The following EPB41L4B variants were observed in gnomAD, a reference collection of about 807,000 sequenced individuals.
EPB41L4B encodes erythrocyte membrane protein band 4.1 like 4B, also known as band 4.1-like protein 4B.
In EPB41L4B, 30 loss-of-function variants were observed where a neutral mutation model predicts 112.5. The observed-to-expected ratio is 0.27, with a 90% CI of 0.20 to 0.36. The LOEUF (loss-of-function observed/expected upper bound fraction) is 0.36. EPB41L4B is among the 10% of genes least tolerant of loss of function. The probability of loss-of-function intolerance (pLI) is 1.00; values close to 1 mark genes in which losing one functional copy is unlikely to be tolerated. For missense variants in EPB41L4B, 1,024 were observed against 1,133.3 expected, an observed-to-expected ratio of 0.90 and a Z score of 1.38; for synonymous variants, 408 against 439.7, an observed-to-expected ratio of 0.93 and a Z score of 0.90.
intron 14 of EPB41L4B, among the ~76,000 whole-genome samples, chr9:109,245,438 T>C (rs959257518): frequency 6.6e-6 from 1 of 152,136 alleles, no homozygotes; most frequent in African/African-American, 2.4e-5. Context: ...TGTCAAGGAG[T>C]ATTTTAGTGT....
intron 1 of EPB41L4B, among the ~76,000 whole-genome samples, chr9:109,283,279 A>T (rs1240556223): frequency 3.9e-5 from 6 of 152,248 alleles, no homozygotes. Flanking sequence ...CTTGTAACCC[A>T]GTAAACTGGG....
intron 2 of EPB41L4B, among the ~76,000 whole-genome samples, chr9:109,273,155 G>C (rs569401269): frequency 1.6e-4 from 25 of 152,082 alleles, no homozygotes; most frequent in African/African-American, 2.4e-5. Flanking sequence ...AGCAGCTTCC[G>C]ATTCAGCACC....
At chr9:109,286,120 A>G (rs1026906942) in intron 1 of EPB41L4B, among the ~76,000 whole-genome samples, 4 of 141,384 alleles carry the variant, frequency 2.8e-5, no homozygotes, top group African/African-American at 1.0e-4. Context: ...GGCGCTCCAT[A>G]AATGACTATT....
At chr9:109,265,627 TGAG>T (rs1043074465) in intron 4 of EPB41L4B, among the ~76,000 whole-genome samples, 1 of 151,690 alleles carries the variant, frequency 6.6e-6, no homozygotes, top group African/African-American at 2.4e-5. Flanking sequence ...TAACAAAAAA[TGAG>T]AAAGAAGCCA....
At chr9:109,251,951 C>G (rs952450317) in intron 12 of EPB41L4B, among the ~76,000 whole-genome samples, 1 of 152,156 alleles carries the variant, frequency 6.6e-6, no homozygotes, top group Non-Finnish European at 1.5e-5. Flanking sequence ...ACAGCTTAGC[C>G]GCTTACACTC....
At chr9:109,215,644 C>T (rs1164344888) in intron 16 of EPB41L4B, among the ~76,000 whole-genome samples, 3 of 152,292 alleles carry the variant, frequency 2.0e-5, no homozygotes, top group South Asian at 4.1e-4. Context: ...CGTACCACTG[C>T]GTCCAGCCCT....
At chr9:109,268,262 C>CGG in intron 3 of EPB41L4B, 129 bp downstream of exon 3, 1 of 791,162 alleles carries the variant, frequency 1.3e-6, no homozygotes, top group Non-Finnish European at 2.0e-6. Context: ...TAAAAATCAT[C>CGG]CACTTAATAC....
intron 2 of EPB41L4B, among the ~76,000 whole-genome samples, 197 bp from the exon 3 acceptor site, chr9:109,268,630 G>A (rs1442413607): frequency 2.6e-5 from 4 of 152,126 alleles, no homozygotes; most frequent in Non-Finnish European, 4.4e-5. Flanking sequence ...CGGGCGCGGT[G>A]GCTCACGCCT....
At chr9:109,175,603 C>T (rs1255885458) in intron 25 of EPB41L4B, among the ~76,000 whole-genome samples, 1 of 151,624 alleles carries the variant, frequency 6.6e-6, no homozygotes, top group Non-Finnish European at 1.5e-5. Context: ...AACTCCTGGC[C>T]TCAACTGATC....
chr9:109,270,552 C>T (rs763335761), intron 2 of EPB41L4B, among the ~76,000 whole-genome samples: 1 of 152,162 alleles, frequency 6.6e-6, no homozygotes, highest in Non-Finnish European at 1.5e-5. Context: ...TTGATTTAAG[C>T]CCAATATTTA....
intron 17 of EPB41L4B, among the ~76,000 whole-genome samples, 155 bp from the exon 18 acceptor site, chr9:109,208,204 T>C (rs890406719): frequency 6.6e-6 from 1 of 152,184 alleles, no homozygotes; most frequent in Admixed American, 6.5e-5. Context: ...GCTTTACTAT[T>C]TGCAAAGGGT....
intron 2 of EPB41L4B, among the ~76,000 whole-genome samples, chr9:109,269,023 G>A (rs1171907481): frequency 6.6e-6 from 1 of 151,806 alleles, no homozygotes; most frequent in Non-Finnish European, 1.5e-5. Flanking sequence ...TTAACCAATT[G>A]ATCAGCAGAA....
At chr9:109,268,251 T>C (rs1277106319) in intron 3 of EPB41L4B, 140 bp downstream of exon 3, 10 of 777,240 alleles carry the variant, frequency 1.3e-5, no homozygotes, top group Non-Finnish European at 2.0e-5. Context: ...CCTTAAGAAA[T>C]TAAAAATCAT....
chr9:109,295,831 T>C (rs755732183), intron 1 of EPB41L4B, among the ~76,000 whole-genome samples: 18 of 152,174 alleles, frequency 1.2e-4, no homozygotes, highest in Non-Finnish European at 2.1e-4. Flanking sequence ...GTAATTCTTT[T>C]TTTCTGTTTT....
At chr9:109,218,204 C>T (rs568867423) in intron 15 of EPB41L4B, among the ~76,000 whole-genome samples, 1 of 144,046 alleles carries the variant, frequency 6.9e-6, no homozygotes, top group South Asian at 2.2e-4. Context: ...CAGCTCACTG[C>T]AACCTCCACC....
intron 14 of EPB41L4B, among the ~76,000 whole-genome samples, chr9:109,246,049 C>T (rs557707274): frequency 3.2e-4 from 49 of 152,296 alleles, no homozygotes; most frequent in Non-Finnish European, 5.4e-4. Context: ...GTCTCTACAA[C>T]TTTTCAGTTA....
At chr9:109,248,928 G>A (rs922673523) in intron 13 of EPB41L4B, among the ~76,000 whole-genome samples, 12 of 151,590 alleles carry the variant, frequency 7.9e-5, no homozygotes, top group African/African-American at 1.5e-4. Context: ...GCGTGGTGGC[G>A]GGCACCTGTA....
intron 1 of EPB41L4B, among the ~76,000 whole-genome samples, chr9:109,296,715 C>T (rs1418129028): frequency 6.6e-6 from 1 of 151,352 alleles, no homozygotes; most frequent in Non-Finnish European, 1.5e-5. Context: ...GCCAGACCTC[C>T]ATCTCTACAC....
intron 15 of EPB41L4B, among the ~76,000 whole-genome samples, chr9:109,235,389 ACTTTT>A (rs1834103135): frequency 9.9e-6 from 1 of 100,716 alleles, no homozygotes; most frequent in African/African-American, 3.5e-5. Context: ...CTTCAGCTAG[ACTTTT>A]TTTTTTTTTT....
Sources: gnomAD v4.1 joint callset for allele counts (sites outside exome capture counted in the v4.1 genomes callset) on GRCh38, gnomAD v4.1.1 for gene constraint, MANE v1.5 for transcripts, NCBI Gene and HGNC (gene_info 2026-07-23, HGNC 2026-07-21) for gene names.